The following LBH variants were observed in gnomAD, a reference collection of about 807,000 sequenced individuals.
The protein encoded by LBH is LBH regulator of Wnt signaling pathway, also known as protein LBH.
LBH carries 7 observed loss-of-function variants against 12.5 expected under a neutral mutation model. That is an observed-to-expected ratio of 0.56 (90% CI 0.32 to 1.05). LBH has a LOEUF of 1.05. Ranked by LOEUF, LBH falls within the 50% of genes least tolerant of loss-of-function variation. The pLI is 0.04. For missense variants in LBH, 119 were observed against 138.9 expected (o/e 0.86, Z 0.72); for synonymous variants, 51 against 50.1 (o/e 1.02, Z -0.08).
At chr2:30,241,281 T>C (rs1677783800) in intron 2 of LBH, among the ~76,000 whole-genome samples, 1 of 152,210 alleles carries the variant, frequency 6.6e-6, no homozygotes, top group African/African-American at 2.4e-5. Flanking sequence ...TGGGGGTTAA[T>C]AAGTGGTTGT....
chr2:30,252,451 A>T (rs1254606920), intron 2 of LBH, among the ~76,000 whole-genome samples: 1 of 152,138 alleles, frequency 6.6e-6, no homozygotes, highest in Non-Finnish European at 1.5e-5. Flanking sequence ...TCATGAGGTC[A>T]GGAGATTGAG....
At chr2:30,241,107 C>T (rs1677781809) in intron 2 of LBH, among the ~76,000 whole-genome samples, 1 of 151,988 alleles carries the variant, frequency 6.6e-6, no homozygotes, top group Non-Finnish European at 1.5e-5. Context: ...GTATCCTTGG[C>T]TTTCCCAAAT....
rs370311464 is a variant in LBH, at chr2:30,246,564, G to A, written c.130-10869G>A. ...AATGAGAGGAGAGGCATTGTTTTAC[G>A]TTTTTGCATGGCTGTTTAAAGTCTA... On this transcript the variant is annotated intron_variant, in intron 2 of 2. Coordinates refer to ENST00000395323, the MANE Select transcript of LBH (RefSeq NM_030915.4). 4.7e-4 allele frequency among the ~76,000 whole-genome samples: 72 copies of A among 152,236 alleles called. No homozygotes were observed. In the East Asian group the frequency reaches 0.011, roughly 24 times the overall value.
chr2:30,240,021 G>T (rs953338798), intron 2 of LBH, among the ~76,000 whole-genome samples: 1 of 152,138 alleles, frequency 6.6e-6, no homozygotes, highest in Non-Finnish European at 1.5e-5. Flanking sequence ...CATACATCCC[G>T]GCCTCCTCTC....
intron 2 of LBH, among the ~76,000 whole-genome samples, chr2:30,252,991 G>T (rs1000347231): frequency 6.6e-6 from 1 of 152,186 alleles, no homozygotes; most frequent in Non-Finnish European, 1.5e-5. Context: ...GGAGCACTTT[G>T]GGGAAAGAGG....
intron 2 of LBH, among the ~76,000 whole-genome samples, chr2:30,245,663 C>A (rs1002991164): frequency 2.6e-5 from 4 of 152,178 alleles, no homozygotes; most frequent in Non-Finnish European, 1.5e-5. Context: ...CTAATCTTGG[C>A]TTTGCTGCTA....
Position 30,258,190 on chromosome 2 carries a change from A to G in LBH, c.*569A>G, listed in dbSNP as rs963845322. On this transcript the variant is annotated 3_prime_UTR_variant, in exon 3 of 3. Coordinates refer to ENST00000395323, the MANE Select transcript of LBH (RefSeq NM_030915.4). ...TTCACCCACCCCACCCTTTGCTTTC[A>G]TTTCAGGTGTGTTGGTCTATATGAC... 6.5e-6 allele frequency: 1 copy of G among 153,432 alleles called. No individual in the cohort carries two copies. Among genetic ancestry groups the G allele is most frequent in the Non-Finnish European group, 1.4e-5 (1 of 69,054 alleles). 9.5% of individuals were successfully genotyped at this position (153,432 alleles called of 1,614,324 possible).
intron 2 of LBH, among the ~76,000 whole-genome samples, chr2:30,255,402 T>C (rs1572384882): frequency 2.4e-5 from 1 of 41,570 alleles, no homozygotes; most frequent in Non-Finnish European, 6.1e-5. Context: ...CGTGTCCCCC[T>C]CTGCCTCCGT....
intron 2 of LBH, among the ~76,000 whole-genome samples, chr2:30,239,201 G>A (rs540454947): frequency 6.6e-6 from 1 of 152,258 alleles, no homozygotes; most frequent in East Asian, 1.9e-4. Context: ...CCTTCTCTTT[G>A]CTCACATCTC....
intron 2 of LBH, among the ~76,000 whole-genome samples, chr2:30,244,032 G>A (rs1677834280): frequency 6.6e-6 from 1 of 152,152 alleles, no homozygotes; most frequent in Non-Finnish European, 1.5e-5. Flanking sequence ...AAAAATGTAA[G>A]ACTAGTTTTC....
At chr2:30,250,861 A>G (rs1449782631) in intron 2 of LBH, among the ~76,000 whole-genome samples, 1 of 152,058 alleles carries the variant, frequency 6.6e-6, no homozygotes. Flanking sequence ...TGGGATTCCC[A>G]GGAACATCCT....
Position 30,250,540 on chromosome 2 carries a change from C to A in LBH, c.130-6893C>A, listed in dbSNP as rs576726763. On this transcript the variant is annotated intron_variant, in intron 2 of 2. Transcript: ENST00000395323. ...CACACTCAGGGGAGGGTGGCTCTGA[C>A]CAGGAGCGCTCACATTTTCCATGCC... Among the ~76,000 whole-genome samples the A allele has an allele frequency of 1.0e-3, 152 of 151,276 alleles. 3 individuals carry two copies. The highest frequency in any genetic ancestry group is 3.5e-3 in the African/African-American group (145 of 41,244).
chr2:30,234,179 G>C, intron 1 of LBH: 1 of 536,652 alleles, frequency 1.9e-6, no homozygotes, highest in Non-Finnish European at 3.4e-6. Context: ...AGGTTTGCCA[G>C]AGAGGTCTGC....
At position 30,243,139 on chromosome 2, in the gene LBH, A is replaced by G. The variant is rs547959310; in HGVS notation, c.129+8632A>G. On this transcript the variant is annotated intron_variant, in intron 2 of 2. Coordinates refer to ENST00000395323, the MANE Select transcript of LBH (RefSeq NM_030915.4). The stretch of plus-strand genomic sequence containing the variant: ...TTTTAAAGTGTTTAGGAGATATTGT[A>G]CATCTTCCTATTGTTTGTTAATTAC... Among the ~76,000 whole-genome samples the G allele has an allele frequency of 2.0e-5, 3 of 152,348 alleles. 1 individual carries two copies. The South Asian group carries it at 6.2e-4, about 32-fold the overall frequency.
chr2:30,231,639 G>T lies in LBH; in HGVS notation c.-100G>T. On this transcript the variant is annotated 5_prime_UTR_variant, in exon 1 of 3. Coordinates refer to ENST00000395323, the MANE Select transcript of LBH (RefSeq NM_030915.4). ...CGGCGAGCGCCCGGTGTCCGCACTC[G>T]GCCGCCTGCCGTGCCCGTCTGCGCC... 2 of 1,256,794 alleles carry T rather than the reference G, an allele frequency of 1.6e-6. No homozygotes were observed. The highest frequency in any genetic ancestry group is 2.3e-6 in the Non-Finnish European group (2 of 870,848). The allele number at this position is 1,256,794 out of a possible 1,614,324, so 77.9% of individuals were successfully genotyped here.
intron 2 of LBH, among the ~76,000 whole-genome samples, chr2:30,243,293 C>T (rs1019710012): frequency 3.9e-5 from 6 of 152,178 alleles, no homozygotes; most frequent in African/African-American, 1.4e-4. Flanking sequence ...TAAAAATGTA[C>T]ACAGGTCAGC....
chr2:30,239,833 C>T lies in LBH; in HGVS notation c.129+5326C>T, dbSNP rs147289562. Among the ~76,000 whole-genome samples, 20 of 152,300 alleles carry T rather than the reference C, an allele frequency of 1.3e-4. No homozygotes were observed. In the South Asian group the frequency reaches 4.1e-3, roughly 32 times the overall value. On this transcript the variant is annotated intron_variant, in intron 2 of 2. Transcript: ENST00000395323. ...TCACCTTGTTCAGAGCAAATCTACT[C>T]TGTATGAGGATCCAGCACCTTCCCT...
intron 2 of LBH, among the ~76,000 whole-genome samples, chr2:30,242,635 G>A (rs1334158933): frequency 6.6e-6 from 1 of 152,126 alleles, no homozygotes; most frequent in Non-Finnish European, 1.5e-5. Context: ...AAACATTTTG[G>A]TATGTTTACT....
intron 2 of LBH, among the ~76,000 whole-genome samples, chr2:30,250,315 C>CA (rs952689753): frequency 6.6e-6 from 1 of 151,876 alleles, no homozygotes; most frequent in Non-Finnish European, 1.5e-5. Flanking sequence ...TCCACCTTTG[C>CA]AAAAAAGAGC....
Sources: gnomAD v4.1 joint callset for allele counts (sites outside exome capture counted in the v4.1 genomes callset) on GRCh38, gnomAD v4.1.1 for gene constraint, MANE v1.5 for transcripts, NCBI Gene and HGNC (gene_info 2026-07-23, HGNC 2026-07-21) for gene names.